Variants in ANKFN1 observed in about 807,000 individuals in gnomAD.
ANKFN1 encodes ankyrin repeat and fibronectin type-III domain-containing protein 1.
A neutral mutation model predicts 108.7 loss-of-function variants in ANKFN1; 74 were observed. That is an observed-to-expected ratio of 0.68 (90% CI 0.56 to 0.83). The LOEUF is 0.83. ANKFN1 is among the 40% of genes least tolerant of loss of function. ANKFN1 has a pLI of 0.00. For missense variants in ANKFN1, 1,505 were observed against 1,382.3 expected (o/e 1.09, Z -1.41); for synonymous variants, 547 against 516.2 (o/e 1.06, Z -0.81).
chr17:56,417,601 T>A (rs2048280865), intron 8 of ANKFN1, among the ~76,000 whole-genome samples: 1 of 152,234 alleles, frequency 6.6e-6, no homozygotes, highest in African/African-American at 2.4e-5. Flanking sequence ...GGTTAGTGCA[T>A]GAATGTATCT....
intron 4 of ANKFN1, among the ~76,000 whole-genome samples, chr17:56,064,932 C>T (rs951699390): frequency 4.6e-5 from 7 of 152,170 alleles, no homozygotes; most frequent in Non-Finnish European, 8.8e-5. Flanking sequence ...CTAGGTAGCA[C>T]ATTCACTCAC....
At chr17:56,071,286 C>T (rs912051599) in intron 4 of ANKFN1, among the ~76,000 whole-genome samples, 1 of 152,158 alleles carries the variant, frequency 6.6e-6, no homozygotes, top group African/African-American at 2.4e-5. Flanking sequence ...TCTGTATTTA[C>T]CAGGAAAGTT....
intron 4 of ANKFN1, among the ~76,000 whole-genome samples, chr17:56,076,010 G>A (rs62080293): frequency 0.011 from 1,714 of 152,248 alleles, 20 homozygotes; most frequent in Middle Eastern, 0.034. Context: ...CCATTACAGG[G>A]CAGAACAGAA....
Position 56,375,796 on chromosome 17 carries a change from G to C in ANKFN1, c.910+1082G>C, listed in dbSNP as rs111939163. On this transcript the variant is annotated intron_variant, in intron 8 of 20. Transcript: ENST00000682825. ...TTACGTAGCACCGACTATGCACCAG[G>C]CACCATTTAAAGCCGTTTAAAGTTT... Among the ~76,000 whole-genome samples the C allele has an allele frequency of 5.4e-3, 823 of 152,214 alleles. 4 individuals are homozygous for C. Among genetic ancestry groups the C allele is most frequent in the African/African-American group, 0.019 (772 of 41,508 alleles).
At chr17:56,114,531 G>C (rs1247051093) in intron 4 of ANKFN1, among the ~76,000 whole-genome samples, 2 of 152,298 alleles carry the variant, frequency 1.3e-5, no homozygotes, top group Non-Finnish European at 2.9e-5. Flanking sequence ...GTGCTGGTGA[G>C]AGTATAAGGA....
At chr17:56,186,447 G>A (rs561297458) in intron 1 of ANKFN1, among the ~76,000 whole-genome samples, 7 of 151,946 alleles carry the variant, frequency 4.6e-5, no homozygotes, top group East Asian at 1.9e-4. Flanking sequence ...GAGGTTAAGC[G>A]GCTTGTCCAA....
chr17:56,457,474 C>T lies in ANKFN1; in HGVS notation c.1440+85C>T, dbSNP rs538527736. Reference sequence around the variant, plus strand: ...CTCTGAAACATTAGTTGAGGGGTCTCCAGCGATCAGAGTTTTGGGGTAGAA... The same window carrying T: ...CTCTGAAACATTAGTTGAGGGGTCTTCAGCGATCAGAGTTTTGGGGTAGAA... On this transcript the variant is annotated intron_variant, in intron 13 of 20. Coordinates refer to ENST00000682825, the MANE Select transcript of ANKFN1 (RefSeq NM_001370326.1). The T allele has an allele frequency of 1.4e-5, 19 of 1,385,234 alleles. No homozygotes were observed. In the South Asian group the frequency reaches 2.3e-4, roughly 17 times the overall value. 85.8% of individuals were successfully genotyped at this position (1,385,234 alleles called of 1,614,324 possible).
intron 19 of ANKFN1, among the ~76,000 whole-genome samples, chr17:56,494,482 G>A (rs562677273): frequency 1.3e-5 from 2 of 151,998 alleles, no homozygotes; most frequent in Non-Finnish European, 2.9e-5. Context: ...CCCAGAGGAG[G>A]TTGGGAGGCT....
chr17:56,413,481 A>G (rs552476086), intron 8 of ANKFN1, among the ~76,000 whole-genome samples: 4 of 152,154 alleles, frequency 2.6e-5, no homozygotes, highest in African/African-American at 9.7e-5. Flanking sequence ...GTAGTGACAG[A>G]GGGCATCCTT....
intron 4 of ANKFN1, among the ~76,000 whole-genome samples, chr17:56,073,844 G>T (rs9889535): frequency 6.6e-6 from 1 of 152,112 alleles, no homozygotes; most frequent in Non-Finnish European, 1.5e-5. Flanking sequence ...TCAGTAGTCC[G>T]TTCCTTTTAT....
chr17:56,294,761 T>C (rs1037864841), intron 3 of ANKFN1, among the ~76,000 whole-genome samples: 1 of 152,196 alleles, frequency 6.6e-6, no homozygotes, highest in African/African-American at 2.4e-5. Context: ...TTAATTTAGA[T>C]GAAACTATTA....
At chr17:56,458,361 T>C (rs111768387) in intron 14 of ANKFN1, among the ~76,000 whole-genome samples, 403 of 152,280 alleles carry the variant, frequency 2.6e-3, no homozygotes, top group Middle Eastern at 0.01. Context: ...CTGTTGCTGC[T>C]CTGCCGTCCT....
chr17:56,337,746 A>G (rs528795783), intron 4 of ANKFN1, among the ~76,000 whole-genome samples: 7 of 152,318 alleles, frequency 4.6e-5, no homozygotes, highest in East Asian at 1.9e-4. Context: ...AATTCAAACC[A>G]CAATGAGATA....
chr17:56,188,559 GTGTA>G (rs56670377), intron 1 of ANKFN1, among the ~76,000 whole-genome samples: 5,740 of 79,012 alleles, frequency 0.073, 169 homozygotes, highest in East Asian at 0.11. Context: ...GTGTGTGTGT[GTGTA>G]TGTGTGTGTG....
intron 8 of ANKFN1, among the ~76,000 whole-genome samples, chr17:56,386,734 C>G (rs1474215674): frequency 6.6e-6 from 1 of 151,770 alleles, no homozygotes; most frequent in East Asian, 1.9e-4. Flanking sequence ...GAGTTTCTAT[C>G]TGTCTCTCTT....
chr17:56,352,141 AG>A (rs1567936688), intron 5 of ANKFN1, among the ~76,000 whole-genome samples: 1 of 152,186 alleles, frequency 6.6e-6, no homozygotes, highest in South Asian at 2.1e-4. Context: ...GAGGCTCTTC[AG>A]TTTAGCAGAT....
At chr17:56,485,051 G>A (rs1239612182) in intron 18 of ANKFN1, among the ~76,000 whole-genome samples, 1 of 152,188 alleles carries the variant, frequency 6.6e-6, no homozygotes, top group Non-Finnish European at 1.5e-5. Flanking sequence ...GGTGAAGTCT[G>A]TTAGCATCCA....
intron 8 of ANKFN1, among the ~76,000 whole-genome samples, chr17:56,414,055 T>C (rs927689415): frequency 6.6e-6 from 1 of 152,234 alleles, no homozygotes. Context: ...TAATTGTGGA[T>C]AAGCTGTTTG....
rs184113835 is a variant in ANKFN1 at position 56,337,335 on chromosome 17, C to A, written c.188+10980C>A. Among the ~76,000 whole-genome samples the A allele has an allele frequency of 2.6e-5, 4 of 152,002 alleles. No individual in the cohort carries two copies. The South Asian group carries it at 8.3e-4, about 32-fold the overall frequency. On this transcript the variant is annotated intron_variant, in intron 4 of 20. Transcript: ENST00000682825. Reference sequence around the variant, plus strand: ...ACAATGGGGTATTAAAGTCTCCCATCATTATTGTGTGGGAGTCTAAGTCTC... The same window carrying A: ...ACAATGGGGTATTAAAGTCTCCCATAATTATTGTGTGGGAGTCTAAGTCTC...
Sources: allele counts gnomAD v4.1 joint callset (sites outside exome capture counted in the v4.1 genomes callset), GRCh38; gene constraint gnomAD v4.1.1; transcripts MANE v1.5; gene names NCBI Gene and HGNC (gene_info 2026-07-23, HGNC 2026-07-21).